TLN2: variants seen among roughly 807,000 people sequenced by gnomAD.
TLN2 encodes talin 2.
A neutral mutation model predicts 294.7 loss-of-function variants in TLN2; 118 were observed. The ratio of observed to expected loss-of-function variants is 0.40; its 90% CI spans 0.34 to 0.47. The LOEUF is 0.47. TLN2 is among the 20% of genes least tolerant of loss of function. The pLI, the probability that TLN2 is intolerant of heterozygous loss-of-function variation, is 0.84. For missense variants in TLN2, 3,083 were observed against 3,282.2 expected, an observed-to-expected ratio of 0.94 and a Z score of 1.48; for synonymous variants, 1,431 against 1,304.5, an observed-to-expected ratio of 1.10 and a Z score of -2.09.
At chr15:62,673,589 A>G (rs1298930534) in intron 9 of TLN2, among the ~76,000 whole-genome samples, 1 of 149,526 alleles carries the variant, frequency 6.7e-6, no homozygotes, top group African/African-American at 2.5e-5. Flanking sequence ...TCACTTTACA[A>G]TAGATCCTGG....
chr15:62,467,430 C>T (rs1475135599), intron 1 of TLN2, among the ~76,000 whole-genome samples: 9 of 152,170 alleles, frequency 5.9e-5, no homozygotes, highest in Admixed American at 4.6e-4. Flanking sequence ...TGGTGGCTCA[C>T]GCCTGTAATC....
intron 43 of TLN2, among the ~76,000 whole-genome samples, chr15:62,778,342 C>T (rs942242929): frequency 2.0e-5 from 3 of 152,090 alleles, no homozygotes; most frequent in Non-Finnish European, 2.9e-5. Context: ...TTGGATAAGT[C>T]TCAGTAGATT....
intron 11 of TLN2, among the ~76,000 whole-genome samples, chr15:62,681,269 A>G (rs2056803244): frequency 6.6e-6 from 1 of 152,212 alleles, no homozygotes; most frequent in African/African-American, 2.4e-5. Flanking sequence ...GAATTATGCT[A>G]ATGAAAGCAT....
intron 41 of TLN2, among the ~76,000 whole-genome samples, chr15:62,770,159 C>G (rs982311897): frequency 6.6e-6 from 1 of 152,198 alleles, no homozygotes; most frequent in African/African-American, 2.4e-5. Context: ...GAGCATGCGT[C>G]TCAACCCCTC....
At chr15:62,609,356 T>C (rs2047720224) in intron 2 of TLN2, among the ~76,000 whole-genome samples, 1 of 152,210 alleles carries the variant, frequency 6.6e-6, no homozygotes. Flanking sequence ...AAAATTGCTA[T>C]CATCTAATTC....
rs527333957 is a variant in TLN2, at chr15:62,452,456, A to G, written c.-238+61771A>G. On this transcript the variant is annotated intron_variant, in intron 1 of 58. Transcript: ENST00000636159. ...AAAACACATTATGGTAAAAATAAAC[A>G]TAACACGAAATTTACTACTTTAACC... 4.6e-5 allele frequency among the ~76,000 whole-genome samples: 7 copies of G among 152,328 alleles called. 1 individual carries two copies. In the South Asian group the frequency reaches 8.3e-4, roughly 18 times the overall value.
chr15:62,430,922 A>C (rs1049382823), intron 1 of TLN2, among the ~76,000 whole-genome samples: 1 of 126,354 alleles, frequency 7.9e-6, no homozygotes, highest in African/African-American at 2.9e-5. Context: ...AAAGATGATA[A>C]ACAGGAAAAG....
At chr15:62,743,810 G>A (rs1005786947) in intron 32 of TLN2, among the ~76,000 whole-genome samples, 2 of 152,146 alleles carry the variant, frequency 1.3e-5, no homozygotes, top group African/African-American at 4.8e-5. Flanking sequence ...GAACTGAGAA[G>A]GCTTTAAGCC....
chr15:62,541,217 G>T (rs2041664832), intron 1 of TLN2, among the ~76,000 whole-genome samples: 1 of 152,064 alleles, frequency 6.6e-6, no homozygotes, highest in South Asian at 2.1e-4. Context: ...TGTTTAAAAG[G>T]TTCCATAACA....
At chr15:62,416,211 A>G (rs765720753) in intron 1 of TLN2, among the ~76,000 whole-genome samples, 8 of 152,202 alleles carry the variant, frequency 5.3e-5, no homozygotes, top group Non-Finnish European at 1.2e-4. Flanking sequence ...AGGCAGGAAG[A>G]TCACTTAAGC....
intron 28 of TLN2, among the ~76,000 whole-genome samples, chr15:62,729,751 C>T (rs1253417800): frequency 5.3e-5 from 8 of 152,060 alleles, no homozygotes; most frequent in Admixed American, 3.9e-4. Flanking sequence ...AGTGTAATTA[C>T]TGATATGTTG....
At position 62,812,011 on chromosome 15, in the gene TLN2, CAATAAATAAATA is replaced by C. The variant is rs59386081; in HGVS notation, c.6771+2014_6771+2025del. ...TGGGTGACAAAGCAAGACTCCATCT[CAATAAATAAATA>C]AATAAATAAATAAATAAATAAATAA... On this transcript the variant is annotated intron_variant, in intron 52 of 58. Coordinates refer to ENST00000636159, the MANE Select transcript of TLN2 (RefSeq NM_015059.3). 3.7e-3 allele frequency among the ~76,000 whole-genome samples: 481 copies of C among 130,728 alleles called. 1 individual carries two copies. The highest frequency in any genetic ancestry group is 9.4e-3 in the South Asian group (35 of 3,730). The allele number at this position is 130,728 out of a possible 152,430, so 85.8% of individuals were successfully genotyped here. A position where few individuals can be genotyped will look rare whatever the true frequency, so the allele number is the denominator to read the frequency against.
intron 1 of TLN2, among the ~76,000 whole-genome samples, chr15:62,504,818 G>GGTGTGT (rs377405417): frequency 0.014 from 2,065 of 143,504 alleles, 11 homozygotes; most frequent in African/African-American, 0.018. Flanking sequence ...TAGTTGGTGG[G>GGTGTGT]GTGTGTGTGT....
At position 62,469,980 on chromosome 15, in the gene TLN2, G is replaced by A. The variant is rs906991785; in HGVS notation, c.-238+79295G>A. 1.0e-3 allele frequency among the ~76,000 whole-genome samples: 158 copies of A among 152,054 alleles called. 2 individuals carry two copies. The highest frequency in any genetic ancestry group is 3.9e-4 in the African/African-American group (16 of 41,388). On this transcript the variant is annotated intron_variant, in intron 1 of 58. Coordinates refer to ENST00000636159, the MANE Select transcript of TLN2 (RefSeq NM_015059.3). ...TGAGAGAGAGAGCGAGAGAGAGAGC[G>A]CATGCACATGTAAGTCCAGCATTCT... is the stretch of plus-strand genomic sequence containing the variant.
intron 44 of TLN2, among the ~76,000 whole-genome samples, chr15:62,781,451 A>G (rs969458363): frequency 6.6e-6 from 1 of 152,186 alleles, no homozygotes; most frequent in Non-Finnish European, 1.5e-5. Context: ...TCTCATGAAA[A>G]AGCTGCAAGA....
chr15:62,602,089 A>G (rs887303980), intron 2 of TLN2, among the ~76,000 whole-genome samples: 1 of 152,222 alleles, frequency 6.6e-6, no homozygotes, highest in Non-Finnish European at 1.5e-5. Flanking sequence ...TATAGAAACA[A>G]GGCATGTTTC....
intron 37 of TLN2, among the ~76,000 whole-genome samples, chr15:62,758,965 C>A (rs1361708743): frequency 6.6e-6 from 1 of 150,778 alleles, no homozygotes; most frequent in African/African-American, 2.4e-5. Context: ...TGACTTTGTG[C>A]ATACACAGAA....
intron 2 of TLN2, among the ~76,000 whole-genome samples, chr15:62,598,222 G>A (rs970204841): frequency 2.0e-5 from 3 of 152,208 alleles, no homozygotes; most frequent in Admixed American, 6.5e-5. Context: ...TGACTTCTGA[G>A]ACCTTTCCTG....
chr15:62,411,927 G>A (rs1165129971), intron 1 of TLN2, among the ~76,000 whole-genome samples: 1 of 152,160 alleles, frequency 6.6e-6, no homozygotes, highest in Non-Finnish European at 1.5e-5. Flanking sequence ...CTAGTTCAGG[G>A]TTTCCCAGAC....
Sources: allele counts gnomAD v4.1 joint callset (sites outside exome capture counted in the v4.1 genomes callset), GRCh38; gene constraint gnomAD v4.1.1; transcripts MANE v1.5; gene names NCBI Gene and HGNC (gene_info 2026-07-23, HGNC 2026-07-21).